The following GALNT13 variants were observed in gnomAD, a reference collection of about 807,000 sequenced individuals.
GALNT13 encodes polypeptide N-acetylgalactosaminyltransferase 13.
In GALNT13, 28 loss-of-function variants were observed where a neutral mutation model predicts 64.2. That is an observed-to-expected ratio of 0.44 (90% confidence interval 0.32 to 0.60). GALNT13 has a LOEUF of 0.60. Ranked by LOEUF, GALNT13 falls within the 20% of genes least tolerant of loss-of-function variation. The pLI, the probability that GALNT13 is intolerant of heterozygous loss-of-function variation, is 0.05. For missense variants in GALNT13, 577 were observed against 669.8 expected (o/e 0.86, Z 1.53); for synonymous variants, 214 against 224.6 (o/e 0.95, Z 0.42).
At chr2:153,683,136 T>TA in the GALNT13 span, among the ~76,000 whole-genome samples, 1 of 151,774 alleles carries the variant, frequency 6.6e-6, no homozygotes, top group Non-Finnish European at 1.5e-5. Flanking sequence ...ATATGGCACA[T>TA]AACTAATGTT....
the GALNT13 span, among the ~76,000 whole-genome samples, chr2:153,276,981 T>C: frequency 6.6e-6 from 1 of 152,218 alleles, no homozygotes; most frequent in Non-Finnish European, 1.5e-5. Context: ...ACATGAATGT[T>C]CTTGGATTGT....
the GALNT13 span, among the ~76,000 whole-genome samples, chr2:153,211,133 C>G: frequency 2.5e-3 from 369 of 147,764 alleles, 1 homozygote; most frequent in African/African-American, 8.6e-3. Flanking sequence ...CATTGACAAA[C>G]CTTTTTTTTT....
the GALNT13 span, among the ~76,000 whole-genome samples, chr2:153,147,848 A>G: frequency 6.6e-6 from 1 of 151,688 alleles, no homozygotes; most frequent in Non-Finnish European, 1.5e-5. Context: ...TTTTCTTCCT[A>G]GTTGAGGATA....
At chr2:154,208,153 G>A (rs1204879894) in intron 4 of GALNT13, among the ~76,000 whole-genome samples, 1 of 152,076 alleles carries the variant, frequency 6.6e-6, no homozygotes, top group Non-Finnish European at 1.5e-5. Context: ...TCCAGAAAAA[G>A]CTGTAAAAAG....
the GALNT13 span, among the ~76,000 whole-genome samples, chr2:153,455,423 C>T: frequency 1.8e-4 from 27 of 152,318 alleles, no homozygotes; most frequent in South Asian, 1.7e-3. Flanking sequence ...GAAGGGAGCA[C>T]ATGAGCGAAT....
chr2:153,597,729 A>G, the GALNT13 span, among the ~76,000 whole-genome samples: 14 of 152,158 alleles, frequency 9.2e-5, no homozygotes, highest in Non-Finnish European at 7.4e-5. Context: ...TATATATGAT[A>G]AGCACCTTGT....
chr2:153,619,945 G>C, the GALNT13 span, among the ~76,000 whole-genome samples: 2 of 152,048 alleles, frequency 1.3e-5, no homozygotes, highest in African/African-American at 2.4e-5. Context: ...GGTTAAATCT[G>C]CTTGGTGTTC....
chr2:154,437,316 C>T, intron 11 of GALNT13: 1 of 199,266 alleles, frequency 5.0e-6, no homozygotes, highest in Non-Finnish European at 1.0e-5. Flanking sequence ...TTCTGAGTAG[C>T]AATGCTGCAG....
the GALNT13 span, among the ~76,000 whole-genome samples, chr2:153,695,166 A>G: frequency 3.8e-3 from 575 of 152,298 alleles, 4 homozygotes; most frequent in African/African-American, 0.013. Flanking sequence ...ACAGAGACTC[A>G]GTGCCCAGGG....
the GALNT13 span, among the ~76,000 whole-genome samples, chr2:153,774,999 C>T: frequency 2.0e-5 from 3 of 152,302 alleles, no homozygotes; most frequent in Non-Finnish European, 2.9e-5. Context: ...CAGTAGAAAA[C>T]ATCCCAATCA....
chr2:153,301,614 T>C, the GALNT13 span, among the ~76,000 whole-genome samples: 1 of 152,146 alleles, frequency 6.6e-6, no homozygotes, highest in African/African-American at 2.4e-5. Context: ...ACTATAGTCA[T>C]GGTGTTGAAC....
the GALNT13 span, among the ~76,000 whole-genome samples, chr2:153,332,669 C>T: frequency 1.3e-5 from 2 of 151,994 alleles, no homozygotes; most frequent in African/African-American, 4.8e-5. Context: ...GGCTGCTGAT[C>T]CAGGTGAGCT....
intron 4 of GALNT13, among the ~76,000 whole-genome samples, chr2:154,220,233 A>G (rs1290877535): frequency 6.6e-6 from 1 of 152,090 alleles, no homozygotes; most frequent in Non-Finnish European, 1.5e-5. Context: ...TCCAAGTACA[A>G]ATTTTATCCA....
At chr2:153,130,839 G>A in the GALNT13 span, among the ~76,000 whole-genome samples, 6 of 152,304 alleles carry the variant, frequency 3.9e-5, no homozygotes, top group Admixed American at 1.3e-4. Flanking sequence ...GTAGATCTGT[G>A]ATATGATAAT....
the GALNT13 span, among the ~76,000 whole-genome samples, chr2:153,288,534 G>T: frequency 6.6e-6 from 1 of 152,174 alleles, no homozygotes; most frequent in African/African-American, 2.4e-5. Context: ...TGCTGAGCCT[G>T]TTCGCTCTGT....
intron 9 of GALNT13, among the ~76,000 whole-genome samples, chr2:154,319,371 A>G (rs920510864): frequency 6.6e-6 from 1 of 152,194 alleles, no homozygotes; most frequent in African/African-American, 2.4e-5. Context: ...CCTTTTGATC[A>G]ATCCTTAATA....
the GALNT13 span, among the ~76,000 whole-genome samples, chr2:153,209,629 A>G: frequency 6.6e-6 from 1 of 152,142 alleles, no homozygotes; most frequent in Non-Finnish European, 1.5e-5. Flanking sequence ...ATTATTAAAA[A>G]TTATTTTATG....
At chr2:153,149,752 C>T in the GALNT13 span, among the ~76,000 whole-genome samples, 1 of 151,846 alleles carries the variant, frequency 6.6e-6, no homozygotes, top group Non-Finnish European at 1.5e-5. Flanking sequence ...CTGCACTTTA[C>T]CTTATATCCT....
intron 3 of GALNT13, among the ~76,000 whole-genome samples, chr2:154,120,083 G>GT (rs140047576): frequency 0.069 from 10,435 of 151,920 alleles, 444 homozygotes; most frequent in Middle Eastern, 0.14. Context: ...TTGTTTGTTT[G>GT]TTTTTTTGTC....
Sources: gnomAD v4.1 joint callset for allele counts (sites outside exome capture counted in the v4.1 genomes callset) on GRCh38, gnomAD v4.1.1 for gene constraint, MANE v1.5 for transcripts, NCBI Gene and HGNC (gene_info 2026-07-23, HGNC 2026-07-21) for gene names.